The following TJP1 variants were observed in gnomAD, a reference collection of about 807,000 sequenced individuals.
The protein encoded by TJP1 is tight junction protein ZO-1.
A neutral mutation model predicts 194.2 loss-of-function variants in TJP1; 43 were observed. The observed-to-expected ratio is 0.22, with a 90% CI of 0.17 to 0.29. The LOEUF (loss-of-function observed/expected upper bound fraction) is 0.29. TJP1 is among the 10% of genes least tolerant of loss of function. The pLI is 1.00. For missense variants in TJP1, 1,971 were observed against 2,185.7 expected (o/e 0.90, Z 1.96); for synonymous variants, 801 against 779.0 (o/e 1.03, Z -0.47).
intron 2 of TJP1, among the ~76,000 whole-genome samples, chr15:29,949,642 C>CACT (rs2055538650): frequency 7.9e-6 from 1 of 125,966 alleles, no homozygotes; most frequent in African/African-American, 2.7e-5. Context: ...CCACCACCTC[C>CACT]ACCACCACCA....
At chr15:29,821,859 CGGCCCCGCGCCAGCCCT>C in intron 1 of TJP1, 126 bp downstream of exon 1, 1 of 811,088 alleles carries the variant, frequency 1.2e-6, no homozygotes, top group Non-Finnish European at 1.5e-6. Context: ...CCGCGGCCCG[CGGCCCCGCGCCAGCCCT>C]GCCCACCCCG....
intron 2 of TJP1, among the ~76,000 whole-genome samples, chr15:29,832,240 G>A (rs2050859411): frequency 6.6e-6 from 1 of 152,098 alleles, no homozygotes; most frequent in Non-Finnish European, 1.5e-5. Context: ...CCTACCACAG[G>A]AGAAGTTCAG....
At chr15:29,850,257 C>G (rs950487193) in intron 2 of TJP1, among the ~76,000 whole-genome samples, 1 of 152,226 alleles carries the variant, frequency 6.6e-6, no homozygotes, top group Admixed American at 6.5e-5. Flanking sequence ...ACCCCCTCAA[C>G]TAAGCTGCTT....
chr15:29,778,124 T>C lies in TJP1; in HGVS notation c.85-4767A>G, dbSNP rs117262400. ...TTTAAAAAAATTACTTGTGAGCAAG[T>C]AAATGCAGTTCCGGCACCTAGTAGG... On this transcript the variant is annotated intron_variant, in intron 2 of 27. Transcript: ENST00000614355. 8.1e-3 allele frequency among the ~76,000 whole-genome samples: 1,236 copies of C among 152,264 alleles called. 7 individuals are homozygous for C. The highest frequency in any genetic ancestry group is 0.014 in the Non-Finnish European group (925 of 68,024).
chr15:29,880,908 G>A (rs2052903743), intron 2 of TJP1, among the ~76,000 whole-genome samples: 1 of 152,198 alleles, frequency 6.6e-6, no homozygotes, highest in South Asian at 2.1e-4. Context: ...AAACATGGGA[G>A]TGCAAATATC....
intron 2 of TJP1, among the ~76,000 whole-genome samples, chr15:29,911,288 G>A (rs1340359318): frequency 2.0e-5 from 3 of 152,270 alleles, no homozygotes; most frequent in East Asian, 1.9e-4. Context: ...CTGAGTTGCT[G>A]TTTCTAGAAT....
intron 2 of TJP1, among the ~76,000 whole-genome samples, chr15:29,931,149 TA>T (rs1293610800): frequency 3.3e-5 from 5 of 152,262 alleles, no homozygotes; most frequent in East Asian, 1.9e-4. Flanking sequence ...AAAATGTTGT[TA>T]AAAAAATCAT....
At chr15:29,699,410 A>G (rs1044546287), downstream of TJP1, 2 of 152,250 alleles carry the variant, frequency 1.3e-5, no homozygotes, top group Non-Finnish European at 2.9e-5. Flanking sequence ...AAAGGCAACT[A>G]TAGAAACAGA....
Position 29,822,381 on chromosome 15 carries a change from G to C in TJP1, c.-353C>G. On this transcript the variant is annotated 5_prime_UTR_variant, in exon 1 of 28. Coordinates refer to ENST00000614355, the MANE Select transcript of TJP1 (RefSeq NM_001330239.4). ...CCTCCCGGCGTCTCCTCGGAAGCCG[G>C]CTTCGCCACGTAACTTCCCGGGAAC... The C allele has an allele frequency of 2.9e-6, 3 of 1,017,670 alleles. No individual in the cohort carries two copies. Among genetic ancestry groups the C allele is most frequent in the Non-Finnish European group, 3.5e-6 (3 of 850,904 alleles). 63.0% of individuals were successfully genotyped at this position (1,017,670 alleles called of 1,614,324 possible). A position where few individuals can be genotyped will look rare whatever the true frequency, so the allele number is the denominator to read the frequency against.
chr15:29,755,715 A>AAAACACATTCCCC (rs1418768835), intron 8 of TJP1, among the ~76,000 whole-genome samples: 1 of 152,212 alleles, frequency 6.6e-6, no homozygotes, highest in Non-Finnish European at 1.5e-5. Context: ...TCTATTTGTG[A>AAAACACATTCCCC]AAACACATTC....
At chr15:29,745,645 A>T (rs952007688) in intron 8 of TJP1, among the ~76,000 whole-genome samples, 1 of 152,208 alleles carries the variant, frequency 6.6e-6, no homozygotes, top group Admixed American at 6.5e-5. Context: ...ATTTTGAACA[A>T]CACAAACACA....
At chr15:29,947,110 T>C (rs1339857491) in intron 2 of TJP1, among the ~76,000 whole-genome samples, 1 of 152,226 alleles carries the variant, frequency 6.6e-6, no homozygotes, top group East Asian at 1.9e-4. Context: ...TTTAGTTGTA[T>C]AAATCTAAAT....
chr15:29,911,180 C>T (rs2054000664), intron 2 of TJP1, among the ~76,000 whole-genome samples: 1 of 152,192 alleles, frequency 6.6e-6, no homozygotes, highest in Non-Finnish European at 1.5e-5. Flanking sequence ...CCCACTGCAG[C>T]TGAGGTGGTC....
intron 2 of TJP1, among the ~76,000 whole-genome samples, chr15:29,833,450 G>A (rs1469298000): frequency 1.3e-5 from 2 of 152,038 alleles, no homozygotes; most frequent in Non-Finnish European, 2.9e-5. Context: ...CTGGAGTGCA[G>A]TGGCATAGTC....
chr15:29,943,502 C>T (rs1420345649), intron 2 of TJP1, among the ~76,000 whole-genome samples: 1 of 151,324 alleles, frequency 6.6e-6, no homozygotes, highest in African/African-American at 2.4e-5. Context: ...GTGGCGTGCG[C>T]CTGTAATCTC....
chr15:29,954,380 ATTAG>A (rs545238688), intron 2 of TJP1, among the ~76,000 whole-genome samples: 176 of 152,322 alleles, frequency 1.2e-3, no homozygotes, highest in African/African-American at 4.0e-3. Context: ...TGTAAAATTA[ATTAG>A]TTATATGATT....
chr15:29,848,693 T>C (rs1418603229), intron 2 of TJP1, among the ~76,000 whole-genome samples: 2 of 151,626 alleles, frequency 1.3e-5, no homozygotes, highest in African/African-American at 4.9e-5. Context: ...ACCCCATCTC[T>C]ACTAAAAATA....
chr15:29,842,927 C>T (rs2051276483), intron 2 of TJP1, among the ~76,000 whole-genome samples: 1 of 152,160 alleles, frequency 6.6e-6, no homozygotes, highest in Non-Finnish European at 1.5e-5. Flanking sequence ...ATGGTGTCTA[C>T]AGGTGGACAA....
chr15:29,774,733 T>C (rs550766763), intron 2 of TJP1, among the ~76,000 whole-genome samples: 4 of 152,034 alleles, frequency 2.6e-5, no homozygotes, highest in Middle Eastern at 3.4e-3. Flanking sequence ...ATACTTTAAT[T>C]GTTTGGCATG....
Sources: allele counts gnomAD v4.1 joint callset (sites outside exome capture counted in the v4.1 genomes callset), GRCh38; gene constraint gnomAD v4.1.1; transcripts MANE v1.5; gene names NCBI Gene and HGNC (gene_info 2026-07-23, HGNC 2026-07-21).